The following CALD1 variants were observed in gnomAD, a reference collection of about 807,000 sequenced individuals.
CALD1 encodes the protein caldesmon 1.
CALD1 carries 33 observed loss-of-function variants against 99.9 expected under a neutral mutation model. That is an observed-to-expected ratio of 0.33 (90% CI 0.25 to 0.44). The LOEUF is 0.44. Ranked by LOEUF, CALD1 falls within the 20% of genes least tolerant of loss-of-function variation. The pLI is 1.00. For synonymous variants in CALD1, 310 were observed against 325.0 expected (o/e 0.95, Z 0.50); for missense variants, 861 against 962.1 (o/e 0.89, Z 1.39).
At chr7:134,836,756 A>G (rs1296431761) in intron 1 of CALD1, among the ~76,000 whole-genome samples, 1 of 152,242 alleles carries the variant, frequency 6.6e-6, no homozygotes, top group Non-Finnish European at 1.5e-5. Flanking sequence ...TATTTGCTTC[A>G]GACAAGTACA....
At chr7:134,887,814 G>A (rs1006936243) in intron 3 of CALD1, among the ~76,000 whole-genome samples, 4 of 151,774 alleles carry the variant, frequency 2.6e-5, no homozygotes, top group Non-Finnish European at 4.4e-5. Context: ...GTATGTGTGT[G>A]CATGTGTGCA....
In CALD1 at chr7:134,771,888, C is replaced by G. The variant is rs943846390; in HGVS notation, c.-130+27525C>G. 1.4e-4 allele frequency among the ~76,000 whole-genome samples: 21 copies of G among 152,080 alleles called. 1 individual carries two copies. Among genetic ancestry groups the G allele is most frequent in the Non-Finnish European group, 1.5e-5 (1 of 68,012 alleles). On this transcript the variant is annotated intron_variant, in intron 1 of 13. Coordinates refer to the CALD1 transcript ENST00000417172. ...AAAACCTTCTTCAGAAAAGACTACC[C>G]TGTTTCTCCCTATTCCTTTACTCTT...
At chr7:134,925,883 GA>G (rs1323733683) in intron 3 of CALD1, among the ~76,000 whole-genome samples, 10 of 152,294 alleles carry the variant, frequency 6.6e-5, no homozygotes, top group African/African-American at 1.7e-4. Flanking sequence ...CTGATCCAGA[GA>G]TGTAGAAAAG....
chr7:134,778,573 T>A (rs544968303), upstream of CALD1, among the ~76,000 whole-genome samples: 9 of 152,280 alleles, frequency 5.9e-5, no homozygotes, highest in African/African-American at 2.2e-4. Flanking sequence ...ACTAATTGAG[T>A]GAATTCTGTA....
chr7:134,896,268 T>A (rs1401289489), intron 3 of CALD1, among the ~76,000 whole-genome samples: 4 of 152,232 alleles, frequency 2.6e-5, no homozygotes, highest in Admixed American at 6.5e-5. Flanking sequence ...ATTTTGCCTT[T>A]CTGAGAAAAT....
At position 134,968,453 on chromosome 7, in the gene CALD1, T is replaced by G. The variant is rs1259348949; in HGVS notation, c.*108T>G. ...TTGATTTACTAAATTGGGTTCATTA[T>G]CTTTTATTTTTCAATATCCCAGTAA... On this transcript the variant is annotated 3_prime_UTR_variant, in exon 15 of 15. Transcript: ENST00000361675. 1 of 952,896 alleles carries G rather than the reference T, an allele frequency of 1.0e-6. No homozygotes were observed. Among genetic ancestry groups the G allele is most frequent in the African/African-American group, 1.6e-5 (1 of 61,656 alleles). The allele number at this position is 952,896 out of a possible 1,614,324, so 59.0% of individuals were successfully genotyped here.
chr7:134,760,262 C>A (rs1451279458), intron 1 of CALD1, among the ~76,000 whole-genome samples: 1 of 152,310 alleles, frequency 6.6e-6, no homozygotes, highest in Non-Finnish European at 1.5e-5. Context: ...GGTAGCATAA[C>A]CCCGCTTGCA....
chr7:134,735,815 T>C, the CALD1 span, among the ~76,000 whole-genome samples: 1 of 152,298 alleles, frequency 6.6e-6, no homozygotes, highest in East Asian at 1.9e-4. Flanking sequence ...TAGAGATATA[T>C]AACTCCAAAA....
the CALD1 span, among the ~76,000 whole-genome samples, chr7:134,717,285 T>C: frequency 1.3e-5 from 2 of 152,222 alleles, no homozygotes; most frequent in African/African-American, 2.4e-5. Context: ...AAATGTATAA[T>C]GTCATGTATC....
intron 1 of CALD1, among the ~76,000 whole-genome samples, chr7:134,835,471 C>A (rs1799394895): frequency 6.6e-6 from 1 of 152,162 alleles, no homozygotes; most frequent in Admixed American, 6.5e-5. Flanking sequence ...ATATATGGCC[C>A]TGTCCTTAGG....
At chr7:134,956,450 T>C (rs1055084521) in intron 9 of CALD1, among the ~76,000 whole-genome samples, 10 of 152,186 alleles carry the variant, frequency 6.6e-5, no homozygotes, top group African/African-American at 1.9e-4. Flanking sequence ...ATGGGATTAG[T>C]GCCCTTGTAA....
intron 1 of CALD1, among the ~76,000 whole-genome samples, chr7:134,767,228 T>TGTGTGC (rs1554423059): frequency 8.0e-5 from 12 of 149,332 alleles, no homozygotes; most frequent in African/African-American, 3.1e-4. Context: ...TGTGTGTGCG[T>TGTGTGC]GTGTGACATA....
At chr7:134,778,256 AC>A (rs1796963878), upstream of CALD1, among the ~76,000 whole-genome samples, 1 of 152,212 alleles carries the variant, frequency 6.6e-6, no homozygotes. Flanking sequence ...GAAGAAGGAA[AC>A]CAACAGTGCG....
At chr7:134,726,031 G>A in the CALD1 span, among the ~76,000 whole-genome samples, 221 of 152,226 alleles carry the variant, frequency 1.5e-3, no homozygotes, top group African/African-American at 5.1e-3. Context: ...CTAAATTTGG[G>A]TAATTTGTTA....
intron 3 of CALD1, among the ~76,000 whole-genome samples, chr7:134,893,060 A>G (rs1361393680): frequency 6.6e-6 from 1 of 152,178 alleles, no homozygotes. Context: ...CTAGGAAAAG[A>G]GCCCAGTCTG....
chr7:134,762,779 C>T (rs780369539), intron 1 of CALD1, among the ~76,000 whole-genome samples: 2 of 152,146 alleles, frequency 1.3e-5, no homozygotes, highest in Non-Finnish European at 2.9e-5. Context: ...ATGATCCAAT[C>T]ACCTCCCACC....
chr7:134,730,285 A>G, the CALD1 span, among the ~76,000 whole-genome samples: 1 of 151,808 alleles, frequency 6.6e-6, no homozygotes, highest in Non-Finnish European at 1.5e-5. Context: ...TATAAATCAA[A>G]CATCCAGAAA....
At chr7:134,802,580 AAT>A (rs1383885438) in intron 1 of CALD1, among the ~76,000 whole-genome samples, 20 of 152,334 alleles carry the variant, frequency 1.3e-4, no homozygotes, top group African/African-American at 4.8e-4. Flanking sequence ...GTAAGTTGAA[AAT>A]ATTTTAAGTT....
chr7:134,724,335 G>T, the CALD1 span, among the ~76,000 whole-genome samples: 1 of 152,196 alleles, frequency 6.6e-6, no homozygotes, highest in African/African-American at 2.4e-5. Context: ...GCTGGGAAAG[G>T]CCTTTGAGAA....
Sources: allele counts gnomAD v4.1 joint callset (sites outside exome capture counted in the v4.1 genomes callset), GRCh38; gene constraint gnomAD v4.1.1; transcripts MANE v1.5; gene names NCBI Gene and HGNC (gene_info 2026-07-23, HGNC 2026-07-21).